RSPRY1: variants seen among roughly 807,000 people sequenced by gnomAD.
RSPRY1 encodes the protein ring finger and SPRY domain containing 1.
RSPRY1 carries 23 observed loss-of-function variants against 73.1 expected under a neutral mutation model. The observed-to-expected ratio is 0.31, with a 90% CI of 0.23 to 0.45. The LOEUF is 0.45. Among genes scored for constraint, RSPRY1 ranks in the 20% least tolerant of loss-of-function variants. The pLI is 1.00. For missense variants in RSPRY1, 448 were observed against 698.7 expected, an observed-to-expected ratio of 0.64 and a Z score of 4.05; for synonymous variants, 226 against 251.4, an observed-to-expected ratio of 0.90 and a Z score of 0.95.
intron 4 of RSPRY1, among the ~76,000 whole-genome samples, chr16:57,212,710 G>A (rs774445236): frequency 4.6e-5 from 7 of 152,070 alleles, no homozygotes; most frequent in Non-Finnish European, 7.4e-5. Context: ...TACCTCCCAG[G>A]TTCAAGTGAT....
At position 57,204,970 on chromosome 16, in the gene RSPRY1, GT is replaced by G. The variant is rs1208864121; in HGVS notation, c.314del (p.Leu105TrpfsTer6). Reference protein sequence around the residue: ...RKKQNVDGLVLDTLAVIRTLV... With the variant: ...RKKQNVDGLVXDTLAVIRTLV... ...AGAAACAAAATGTGGATGGGCTAGT[GT>G]TGGACACACTGGCAGTAATACGGAC... On this transcript the variant is annotated frameshift_variant, in exon 2 of 15. Coordinates refer to ENST00000394420, the MANE Select transcript of RSPRY1 (RefSeq NM_133368.3). LOFTEE classifies it high-confidence loss of function. 6.2e-7 allele frequency: 1 copy of G among 1,614,194 alleles called. No individual in the cohort carries two copies. The highest frequency in any genetic ancestry group is 8.5e-7 in the Non-Finnish European group (1 of 1,180,028).
chr16:57,230,006 T>C (rs13339133), intron 11 of RSPRY1, among the ~76,000 whole-genome samples: 5 of 35,744 alleles, frequency 1.4e-4, no homozygotes, highest in Non-Finnish European at 3.3e-4. Flanking sequence ...CGCCCTGCCC[T>C]TTTTTTTTTT....
rs1169704293 is a variant in RSPRY1, at chr16:57,210,922, G to A, written c.516+1735G>A. Among the ~76,000 whole-genome samples, 5 of 152,108 alleles carry A rather than the reference G, an allele frequency of 3.3e-5. No individual in the cohort carries two copies. The East Asian group carries it at 5.8e-4, about 18-fold the overall frequency. On this transcript the variant is annotated intron_variant, in intron 4 of 14. Coordinates refer to ENST00000394420, the MANE Select transcript of RSPRY1 (RefSeq NM_133368.3). ...AGTCCCAGCTGCTCAGGAGGCTGAG[G>A]TGGGAGGATCACTTGCAATCTGGAG...
At chr16:57,221,173 T>G in intron 9 of RSPRY1, 99 bp from the exon 10 acceptor site, 3 of 1,455,250 alleles carry the variant, frequency 2.1e-6, no homozygotes, top group Non-Finnish European at 2.8e-6. Context: ...CACCAGAAGT[T>G]TTAATAAGGA....
rs74021617 is a variant in RSPRY1, at chr16:57,205,151, G to A, written c.350+143G>A. On this transcript the variant is annotated intron_variant, in intron 2 of 14. Coordinates refer to ENST00000394420, the MANE Select transcript of RSPRY1 (RefSeq NM_133368.3). ...GCAAAGGAGAATATTTTAATGCTCC[G>A]CTGATGGCAGAGTAAATGATAAGAT... 1,777 of 613,620 alleles carry A rather than the reference G, an allele frequency of 2.9e-3. 24 individuals are homozygous for A. The African/African-American group carries it at 0.03, about 10-fold the overall frequency. The allele number at this position is 613,620 out of a possible 1,614,324, so 38.0% of individuals were successfully genotyped here.
intron 4 of RSPRY1, among the ~76,000 whole-genome samples, chr16:57,211,273 A>AG (rs1390997805): frequency 6.6e-6 from 1 of 151,500 alleles, no homozygotes; most frequent in African/African-American, 2.4e-5. Context: ...TGTTAAAAAA[A>AG]AAAAAAAAAA....
chr16:57,189,546 A>G (rs1485276692), intron 1 of RSPRY1, among the ~76,000 whole-genome samples: 1 of 150,948 alleles, frequency 6.6e-6, no homozygotes, highest in Non-Finnish European at 1.5e-5. Flanking sequence ...TTAACAAACA[A>G]TTATTCTGTA....
intron 8 of RSPRY1, among the ~76,000 whole-genome samples, chr16:57,217,863 G>A (rs2074966512): frequency 6.6e-6 from 1 of 152,222 alleles, no homozygotes; most frequent in South Asian, 2.1e-4. Context: ...ATTGTGGGGA[G>A]GAGCTTCATG....
At chr16:57,223,785 T>TA (rs1174045689) in intron 10 of RSPRY1, among the ~76,000 whole-genome samples, 1 of 152,158 alleles carries the variant, frequency 6.6e-6, no homozygotes, top group Non-Finnish European at 1.5e-5. Flanking sequence ...AATAAATAAA[T>TA]AAATAAATAT....
chr16:57,204,337 C>T (rs113195195), intron 1 of RSPRY1, among the ~76,000 whole-genome samples, 167 bp from the exon 2 acceptor site: 2 of 152,196 alleles, frequency 1.3e-5, no homozygotes, highest in East Asian at 1.9e-4. Flanking sequence ...TGATTGATTG[C>T]GAATTCTGTT....
chr16:57,191,865 C>T (rs1356217660), intron 1 of RSPRY1, among the ~76,000 whole-genome samples: 5 of 152,158 alleles, frequency 3.3e-5, no homozygotes, highest in African/African-American at 1.2e-4. Flanking sequence ...ACTGATGGAA[C>T]AAGAGGCCTC....
Position 57,204,766 on chromosome 16 carries a change from C to T in RSPRY1, c.108C>T (p.Ala36=), listed in dbSNP as rs982977851. ...HIAHFLGTGG[A]ATTMGNSCIC... ...CCCACTTCCTAGGGACTGGAGGTGC[C>T]GCTACTACCATGGGTAATTCCTGTA... Residue 36 remains alanine, a synonymous_variant, in exon 2 of 15, where the codon GCC becomes GCT. Transcript: ENST00000394420. The T allele has an allele frequency of 5.6e-6, 9 of 1,614,104 alleles. No individual in the cohort carries two copies. Among genetic ancestry groups the T allele is most frequent in the African/African-American group, 2.7e-5 (2 of 75,026 alleles).
At chr16:57,199,619 A>T (rs1040799419) in intron 1 of RSPRY1, among the ~76,000 whole-genome samples, 1 of 152,338 alleles carries the variant, frequency 6.6e-6, no homozygotes, top group Admixed American at 6.5e-5. Context: ...GAACTTTCAC[A>T]TTCCATAGGC....
intron 1 of RSPRY1, among the ~76,000 whole-genome samples, chr16:57,193,230 A>G (rs2074381491): frequency 6.6e-6 from 1 of 152,188 alleles, no homozygotes; most frequent in African/African-American, 2.4e-5. Context: ...TCATCAAGAC[A>G]ACCTTTCTTT....
At chr16:57,209,909 C>T (rs1278751354) in intron 4 of RSPRY1, among the ~76,000 whole-genome samples, 1 of 152,130 alleles carries the variant, frequency 6.6e-6, no homozygotes, top group Non-Finnish European at 1.5e-5. Flanking sequence ...CTCCTGGGCT[C>T]AAGCAGTCAG....
At chr16:57,235,293 G>C in intron 14 of RSPRY1, 65 bp downstream of exon 14, 3 of 1,174,316 alleles carry the variant, frequency 2.6e-6, no homozygotes, top group Non-Finnish European at 3.8e-6. Flanking sequence ...ATGGCTGTTC[G>C]TCAGGGTTTA....
intron 13 of RSPRY1, among the ~76,000 whole-genome samples, chr16:57,233,677 T>C (rs1392875243): frequency 6.6e-6 from 1 of 152,198 alleles, no homozygotes; most frequent in Non-Finnish European, 1.5e-5. Context: ...GCCCCTCGTC[T>C]GTTAATAACT....
intron 9 of RSPRY1, among the ~76,000 whole-genome samples, 153 bp from the exon 10 acceptor site, chr16:57,221,119 G>T (rs1597908592): frequency 6.6e-6 from 1 of 152,184 alleles, no homozygotes; most frequent in Non-Finnish European, 1.5e-5. Context: ...GTTTGGTTTT[G>T]TACTTTTTGT....
intron 4 of RSPRY1, among the ~76,000 whole-genome samples, chr16:57,212,759 C>T (rs1037246670): frequency 6.6e-5 from 10 of 152,032 alleles, no homozygotes; most frequent in South Asian, 2.1e-4. Flanking sequence ...GGATTACAGG[C>T]GCGCACCACC....
Sources: gnomAD v4.1 joint callset for allele counts (sites outside exome capture counted in the v4.1 genomes callset) on GRCh38, gnomAD v4.1.1 for gene constraint, MANE v1.5 for transcripts, NCBI Gene and HGNC (gene_info 2026-07-23, HGNC 2026-07-21) for gene names.